The following OR6V1 variants were observed in gnomAD, a reference collection of about 807,000 sequenced individuals.
OR6V1 encodes the protein olfactory receptor 6V1.
A neutral mutation model predicts 13.2 loss-of-function variants in OR6V1; 10 were observed. The ratio of observed to expected loss-of-function variants is 0.76; its 90% CI spans 0.47 to 1.28. The LOEUF (loss-of-function observed/expected upper bound fraction) is 1.28. Among genes scored for constraint, OR6V1 ranks in the 50% most tolerant of loss-of-function variants. The pLI is 0.00. For missense variants in OR6V1, 350 were observed against 380.4 expected (o/e 0.92, Z 0.67); for synonymous variants, 137 against 154.2 (o/e 0.89, Z 0.83).
At position 143,052,579 on chromosome 7, in the gene OR6V1, T is replaced by G; in HGVS notation, c.239T>G (p.Leu80Arg). ...ACCATGACTGCAGTGCCCAGGATGC[T>G]CTCAGACCTGTTGGTCCCCCACAAA... ...LVTMTAVPRM[L>R]SDLLVPHKVI... Residue 80 changes from leucine (L) to arginine (R), a missense_variant, in exon 1 of 1, where the codon CTC (leucine) becomes CGC (arginine). Leu to Arg is a moderately radical substitution (Grantham distance 102). Coordinates refer to ENST00000418316, the MANE Select transcript of OR6V1 (RefSeq NM_001001667.1). The G allele has an allele frequency of 6.2e-7, 1 of 1,614,048 alleles. No individual in the cohort carries two copies. Among genetic ancestry groups the G allele is most frequent in the Non-Finnish European group, 8.5e-7 (1 of 1,179,890 alleles).
rs1562993825 is a variant in OR6V1, at chr7:143,053,180, C to T, written c.840C>T (p.Thr280=). ...KVVALVTSVL[T]PFLNPFILTF... is the part of the protein sequence containing the mutation. Reference sequence around the variant, plus strand: ...TGGCCTTGGTGACTTCAGTTCTCACCCCCTTTCTCAATCCCTTTATCCTTA... The same window carrying T: ...TGGCCTTGGTGACTTCAGTTCTCACTCCCTTTCTCAATCCCTTTATCCTTA... The change falls in exon 1 of 1, where the codon ACC becomes ACT. Residue 280 remains threonine, a synonymous_variant. Coordinates refer to ENST00000418316, the MANE Select transcript of OR6V1 (RefSeq NM_001001667.1). 2 of 1,613,874 alleles carry T rather than the reference C, an allele frequency of 1.2e-6. No individual in the cohort carries two copies. The highest frequency in any genetic ancestry group is 1.7e-6 in the Non-Finnish European group (2 of 1,179,798).
rs200583536 is a variant in OR6V1, at chr7:143,052,359, C to G, written c.19C>G (p.Pro7Ala). 1 of 1,613,802 alleles carries G rather than the reference C, an allele frequency of 6.2e-7. No homozygotes were observed. The highest frequency in any genetic ancestry group is 1.7e-5 in the Admixed American group (1 of 60,020). ...GTGGATCATGGCAAATCTGAGCCAG[C>G]CCTCCGAATTTGTCCTCTTGGGCTT... MANLSQ[P>A]SEFVLLGFSS... Residue 7 changes from proline (P) to alanine (A), a missense_variant, in exon 1 of 1, where the codon CCC becomes GCC. Transcript: ENST00000418316.
At position 143,052,374 on chromosome 7, in the gene OR6V1, C is replaced by G; in HGVS notation, c.34C>G (p.Leu12Val). 1 of 1,613,940 alleles carries G rather than the reference C, an allele frequency of 6.2e-7. No individual in the cohort carries two copies. Among genetic ancestry groups the G allele is most frequent in the Non-Finnish European group, 8.5e-7 (1 of 1,179,868 alleles). Reference sequence around the variant, plus strand: ...TCTGAGCCAGCCCTCCGAATTTGTCCTCTTGGGCTTCTCCTCCTTTGGTGA... The same window carrying G: ...TCTGAGCCAGCCCTCCGAATTTGTCGTCTTGGGCTTCTCCTCCTTTGGTGA... ...ANLSQPSEFVLLGFSSFGELQ... is the reference protein window; with the variant it reads ...ANLSQPSEFVVLGFSSFGELQ... The change falls in exon 1 of 1, where the codon CTC (leucine) becomes GTC (valine). Residue 12 changes from leucine (L) to valine (V), a missense_variant. Leu to Val is a conservative substitution (Grantham distance 32, BLOSUM62 1). Transcript: ENST00000418316.
In OR6V1 at chr7:143,053,059, G is replaced by T. The variant is rs572447709; in HGVS notation, c.719G>T (p.Gly240Val). The change falls in exon 1 of 1, where the codon GGG (glycine) becomes GTG (valine). Residue 240 changes from glycine (G) to valine (V), a missense_variant. By Grantham distance (109) the Gly-to-Val change is moderately radical. Coordinates refer to ENST00000418316, the MANE Select transcript of OR6V1 (RefSeq NM_001001667.1). Reference protein sequence around the residue: ...SSCQKAFSTCGSHLTLVFIGY... With the variant: ...SSCQKAFSTCVSHLTLVFIGY... ...TGCCAGAAGGCTTTCTCCACTTGCG[G>T]GTCTCACCTCACACTGGTCTTCATC... 9.3e-6 allele frequency: 15 copies of T among 1,613,872 alleles called. No homozygotes were observed. In the African/African-American group the frequency reaches 1.7e-4, roughly 19 times the overall value.
chr7:143,052,773 G>T lies in OR6V1; in HGVS notation c.433G>T (p.Ala145Ser). ...SRAMCVQLAG[A>S]AWAAPFLAMV... ...GGCTATGTGTGTCCAGCTGGCTGGG[G>T]CTGCCTGGGCAGCTCCTTTCCTAGC... is the stretch of plus-strand genomic sequence containing the variant. The change falls in exon 1 of 1, where the codon GCT (alanine) becomes TCT (serine). Residue 145 changes from alanine (A) to serine (S), a missense_variant. Ala to Ser is a moderately conservative substitution (Grantham distance 99). Coordinates refer to ENST00000418316, the MANE Select transcript of OR6V1 (RefSeq NM_001001667.1). 1 of 1,614,024 alleles carries T rather than the reference G, an allele frequency of 6.2e-7. No individual in the cohort carries two copies. Among genetic ancestry groups the T allele is most frequent in the Non-Finnish European group, 8.5e-7 (1 of 1,179,900 alleles).
Position 143,052,874 on chromosome 7 carries a change from CAATG to C in OR6V1, c.537_540del (p.Glu180LeufsTer19), listed in dbSNP as rs1170858765. 5.6e-6 allele frequency: 9 copies of C among 1,614,058 alleles called. No homozygotes were observed. The highest frequency in any genetic ancestry group is 7.6e-6 in the Non-Finnish European group (9 of 1,179,892). ...ACGTCATCAACCACTTCTTCTGTGA[CAATG>C]AACCTCTCCTGCAGTTGTCATGCTC... is the stretch of plus-strand genomic sequence containing the variant. On this transcript the variant is annotated frameshift_variant, in exon 1 of 1. Transcript: ENST00000418316. LOFTEE classifies it high-confidence loss of function.
Position 143,052,723 on chromosome 7 carries a change from T to C in OR6V1, c.383T>C (p.Leu128Pro), listed in dbSNP as rs778355204. The change falls in exon 1 of 1, where the codon CTG becomes CCG. Residue 128 changes from leucine (L) to proline (P), a missense_variant. By Grantham distance (98) the Leu-to-Pro change is moderately conservative (BLOSUM62 -3). Coordinates refer to ENST00000418316, the MANE Select transcript of OR6V1 (RefSeq NM_001001667.1). ...LDRFVAICHP[L>P]RYGTLMSRAM... ...CGCTTTGTGGCCATCTGCCACCCAC[T>C]GCGCTATGGCACTCTGATGAGCCGG... 1.2e-6 allele frequency: 2 copies of C among 1,613,908 alleles called. No individual in the cohort carries two copies. Among genetic ancestry groups the C allele is most frequent in the African/African-American group, 1.3e-5 (1 of 74,942 alleles).
Position 143,053,230 on chromosome 7 carries a change from CAG to C in OR6V1, c.891_892del (p.Val298AlafsTer?). 1 of 1,611,614 alleles carries C rather than the reference CAG, an allele frequency of 6.2e-7. No individual in the cohort carries two copies. The highest frequency in any genetic ancestry group is 8.5e-7 in the Non-Finnish European group (1 of 1,179,868). On this transcript the variant is annotated frameshift_variant, in exon 1 of 1. Coordinates refer to ENST00000418316, the MANE Select transcript of OR6V1 (RefSeq NM_001001667.1). LOFTEE classifies it high-confidence loss of function. ...ACCTTCTGCAATCAGACAGTTAAAA[CAG>C]TGCTACAGGGGCAGATGCAGAGGCT...
Position 143,052,453 on chromosome 7 carries a change from T to G in OR6V1, c.113T>G (p.Met38Arg). The G allele has an allele frequency of 1.2e-6, 2 of 1,613,950 alleles. No homozygotes were observed. Residue 38 changes from methionine (M) to arginine (R), a missense_variant, in exon 1 of 1, where the codon ATG (methionine) becomes AGG (arginine). Met to Arg is a moderately conservative substitution (Grantham distance 91, BLOSUM62 -1). Coordinates refer to ENST00000418316, the MANE Select transcript of OR6V1 (RefSeq NM_001001667.1). The part of the protein sequence containing the change: ...PFLMLYLLAF[M>R]GNTIIIVMVI... ...CTCATGCTTTATCTTCTCGCCTTCA[T>G]GGGAAACACCATCATCATAGTTATG...
At position 143,052,485 on chromosome 7, in the gene OR6V1, G is replaced by A. The variant is rs769462502; in HGVS notation, c.145G>A (p.Ala49Thr). 3.1e-6 allele frequency: 5 copies of A among 1,613,832 alleles called. No individual in the cohort carries two copies. The African/African-American group carries it at 5.3e-5, about 17-fold the overall frequency. Reference protein sequence around the residue: ...GNTIIIVMVIADTHLHTPMYF... With the variant: ...GNTIIIVMVITDTHLHTPMYF... ...CACCATCATCATAGTTATGGTCATA[G>A]CTGACACCCACCTACATACACCCAT... The change falls in exon 1 of 1, where the codon GCT becomes ACT. Residue 49 changes from alanine (A) to threonine (T), a missense_variant. By Grantham distance (58) the Ala-to-Thr change is moderately conservative. Coordinates refer to ENST00000418316, the MANE Select transcript of OR6V1 (RefSeq NM_001001667.1).
chr7:143,052,721 A>G lies in OR6V1; in HGVS notation c.381A>G (p.Pro127=). ...ALDRFVAICH[P]LRYGTLMSRA... ...ATCGCTTTGTGGCCATCTGCCACCC[A>G]CTGCGCTATGGCACTCTGATGAGCC... The change falls in exon 1 of 1, where the codon CCA becomes CCG. Residue 127 remains proline, a synonymous_variant. Coordinates refer to ENST00000418316, the MANE Select transcript of OR6V1 (RefSeq NM_001001667.1). 6.2e-7 allele frequency: 1 copy of G among 1,613,930 alleles called. No homozygotes were observed. The highest frequency in any genetic ancestry group is 8.5e-7 in the Non-Finnish European group (1 of 1,179,884).
chr7:143,052,730 T>C lies in OR6V1; in HGVS notation c.390T>C (p.Tyr130=), dbSNP rs770158868. The C allele has an allele frequency of 1.1e-5, 17 of 1,614,048 alleles. No individual in the cohort carries two copies. The highest frequency in any genetic ancestry group is 1.4e-5 in the Non-Finnish European group (16 of 1,179,898). ...RFVAICHPLR[Y]GTLMSRAMCV... is the part of the protein sequence containing the mutation. ...TGGCCATCTGCCACCCACTGCGCTA[T>C]GGCACTCTGATGAGCCGGGCTATGT... The change falls in exon 1 of 1, where the codon TAT becomes TAC. Residue 130 remains tyrosine (Y), a synonymous_variant. Coordinates refer to ENST00000418316, the MANE Select transcript of OR6V1 (RefSeq NM_001001667.1).
rs1586329230 is a variant in OR6V1, at chr7:143,053,066, C to T, written c.726C>T (p.His242=). 3.1e-6 allele frequency: 5 copies of T among 1,614,006 alleles called. No homozygotes were observed. The highest frequency in any genetic ancestry group is 4.2e-6 in the Non-Finnish European group (5 of 1,179,898). ...AGGCTTTCTCCACTTGCGGGTCTCA[C>T]CTCACACTGGTCTTCATCGGCTACA... ...CQKAFSTCGS[H]LTLVFIGYSS... is the part of the protein sequence containing the mutation. Residue 242 remains histidine (H), a synonymous_variant, in exon 1 of 1, where the codon CAC becomes CAT. Coordinates refer to ENST00000418316, the MANE Select transcript of OR6V1 (RefSeq NM_001001667.1).
Position 143,052,354 on chromosome 7 carries a change from G to A in OR6V1, c.14G>A (p.Ser5Asn). Residue 5 changes from serine (S) to asparagine (N), a missense_variant, in exon 1 of 1, where the codon AGC becomes AAC. Physicochemically the swap from Ser to Asn is conservative, Grantham distance 46. Transcript: ENST00000418316. ...ATACTGTGGATCATGGCAAATCTGA[G>A]CCAGCCCTCCGAATTTGTCCTCTTG... Reference protein sequence around the residue: MANLSQPSEFVLLGF... With the variant: MANLNQPSEFVLLGF... The A allele has an allele frequency of 6.2e-7, 1 of 1,613,750 alleles. No homozygotes were observed. Among genetic ancestry groups the A allele is most frequent in the Non-Finnish European group, 8.5e-7 (1 of 1,179,764 alleles).
At position 143,052,355 on chromosome 7, in the gene OR6V1, C is replaced by A; in HGVS notation, c.15C>A (p.Ser5Arg). The change falls in exon 1 of 1, where the codon AGC becomes AGA. Residue 5 changes from serine to arginine, a missense_variant. Physicochemically the swap from Ser to Arg is moderately radical, Grantham distance 110. Coordinates refer to ENST00000418316, the MANE Select transcript of OR6V1 (RefSeq NM_001001667.1). ...TACTGTGGATCATGGCAAATCTGAGCCAGCCCTCCGAATTTGTCCTCTTGG... is the reference window on the plus strand; with the variant it reads ...TACTGTGGATCATGGCAAATCTGAGACAGCCCTCCGAATTTGTCCTCTTGG... The part of the protein sequence containing the change: MANL[S>R]QPSEFVLLGF... 6.2e-7 allele frequency: 1 copy of A among 1,613,646 alleles called. No homozygotes were observed. Among genetic ancestry groups the A allele is most frequent in the Non-Finnish European group, 8.5e-7 (1 of 1,179,666 alleles).
chr7:143,052,692 C>T lies in OR6V1; in HGVS notation c.352C>T (p.Leu118Phe), dbSNP rs1798217020. The T allele has an allele frequency of 1.2e-6, 2 of 1,614,020 alleles. No homozygotes were observed. The highest frequency in any genetic ancestry group is 1.7e-6 in the Non-Finnish European group (2 of 1,179,890). ...CTTCCTCATCCTGACAGACATGGCCCTTGATCGCTTTGTGGCCATCTGCCA... is the reference window on the plus strand; with the variant it reads ...CTTCCTCATCCTGACAGACATGGCCTTTGATCGCTTTGTGGCCATCTGCCA... ...TSFLILTDMA[L>F]DRFVAICHPL... is the part of the protein sequence containing the mutation. Residue 118 changes from leucine (L) to phenylalanine (F), a missense_variant, in exon 1 of 1, where the codon CTT becomes TTT. Transcript: ENST00000418316.
rs11975892 is a variant in OR6V1 at position 143,052,856 on chromosome 7, C to G, written c.516C>G (p.Ile172Met). The change falls in exon 1 of 1, where the codon ATC becomes ATG. Residue 172 changes from isoleucine to methionine, a missense_variant. Coordinates refer to ENST00000418316, the MANE Select transcript of OR6V1 (RefSeq NM_001001667.1). ...AHLDYCHGDVINHFFCDNEPL... is the reference protein window; with the variant it reads ...AHLDYCHGDVMNHFFCDNEPL... The stretch of plus-strand genomic sequence containing the variant: ...TTGATTACTGCCATGGCGACGTCAT[C>G]AACCACTTCTTCTGTGACAATGAAC... 3.1e-6 allele frequency: 5 copies of G among 1,613,834 alleles called. No individual in the cohort carries two copies. In the Admixed American group the frequency reaches 8.3e-5, roughly 27 times the overall value.
In OR6V1 at chr7:143,052,512, T is replaced by C. The variant is rs762297740; in HGVS notation, c.172T>C (p.Tyr58His). The change falls in exon 1 of 1, where the codon TAC becomes CAC. Residue 58 changes from tyrosine (Y) to histidine (H), a missense_variant. Tyr to His is a moderately conservative substitution (Grantham distance 83). Coordinates refer to ENST00000418316, the MANE Select transcript of OR6V1 (RefSeq NM_001001667.1). Reference protein sequence around the residue: ...IADTHLHTPMYFFLGNFSLLE... With the variant: ...IADTHLHTPMHFFLGNFSLLE... Reference sequence around the variant, plus strand: ...TGACACCCACCTACATACACCCATGTACTTCTTCCTGGGCAATTTTTCCCT... The same window carrying C: ...TGACACCCACCTACATACACCCATGCACTTCTTCCTGGGCAATTTTTCCCT... The C allele has an allele frequency of 8.7e-6, 14 of 1,613,906 alleles. No individual in the cohort carries two copies. The highest frequency in any genetic ancestry group is 6.7e-5 in the Admixed American group (4 of 60,010).
Position 143,053,041 on chromosome 7 carries a change from A to C in OR6V1, c.701A>C (p.Lys234Thr). 6.2e-7 allele frequency: 1 copy of C among 1,613,998 alleles called. No individual in the cohort carries two copies. Among genetic ancestry groups the C allele is most frequent in the Non-Finnish European group, 8.5e-7 (1 of 1,179,880 alleles). ...ATCCCCTCTGCCAGCAGCTGCCAGA[A>C]GGCTTTCTCCACTTGCGGGTCTCAC... is the stretch of plus-strand genomic sequence containing the variant. ...LRIPSASSCQ[K>T]AFSTCGSHLT... The change falls in exon 1 of 1, where the codon AAG (lysine) becomes ACG (threonine). Residue 234 changes from lysine to threonine, a missense_variant. By Grantham distance (78) the Lys-to-Thr change is moderately conservative. Transcript: ENST00000418316.
Sources: allele counts gnomAD v4.1 joint callset, GRCh38; gene constraint gnomAD v4.1.1; transcripts MANE v1.5; gene names NCBI Gene and HGNC (gene_info 2026-07-23, HGNC 2026-07-21).